SORCS1: variants seen among roughly 807,000 people sequenced by gnomAD.
SORCS1 encodes the protein sortilin related VPS10 domain containing receptor 1, also known as VPS10 domain-containing receptor SorCS1.
A neutral mutation model predicts 146.1 loss-of-function variants in SORCS1; 60 were observed. That is an observed-to-expected ratio of 0.41 (90% CI 0.33 to 0.51). SORCS1 has a LOEUF of 0.51. SORCS1 is among the 20% of genes least tolerant of loss of function. The pLI is 0.21. For synonymous variants in SORCS1, 637 were observed against 584.0 expected (o/e 1.09, Z -1.31); for missense variants, 1,352 against 1,487.6 (o/e 0.91, Z 1.50).
chr10:107,036,091 TG>T (rs907390790), intron 1 of SORCS1, among the ~76,000 whole-genome samples: 4 of 151,986 alleles, frequency 2.6e-5, no homozygotes, highest in Non-Finnish European at 5.9e-5. Context: ...AAAGCCCATC[TG>T]TATGTATAGT....
intron 5 of SORCS1, among the ~76,000 whole-genome samples, chr10:106,737,339 CT>C (rs1263858880): frequency 6.6e-6 from 1 of 152,148 alleles, no homozygotes; most frequent in Admixed American, 6.5e-5. Context: ...AATTTAATGA[CT>C]TTGCTTTTTC....
At chr10:106,641,832 T>C (rs2133681566) in intron 18 of SORCS1, among the ~76,000 whole-genome samples, 1 of 152,240 alleles carries the variant, frequency 6.6e-6, no homozygotes, top group South Asian at 2.1e-4. Context: ...TAATCTTTTT[T>C]ATTTCCAATG....
In SORCS1 at chr10:106,844,952, T is replaced by G. The variant is rs369161925; in HGVS notation, c.627-15279A>C. On this transcript the variant is annotated intron_variant, in intron 2 of 25. Coordinates refer to ENST00000263054, the MANE Select transcript of SORCS1 (RefSeq NM_052918.5). Reference sequence around the variant, plus strand: ...CTGCATAGTATTCCATGGTGTATATTTGCCACATTTTCTTAATCCAGTCTA... The same window carrying G: ...CTGCATAGTATTCCATGGTGTATATGTGCCACATTTTCTTAATCCAGTCTA... 5.5e-5 allele frequency among the ~76,000 whole-genome samples: 8 copies of G among 146,642 alleles called. No individual in the cohort carries two copies. In the East Asian group the frequency reaches 6.1e-4, roughly 11 times the overall value.
intron 2 of SORCS1, among the ~76,000 whole-genome samples, chr10:106,899,779 T>C (rs1449052215): frequency 6.6e-6 from 1 of 152,076 alleles, no homozygotes; most frequent in Non-Finnish European, 1.5e-5. Flanking sequence ...CCTTCATAAG[T>C]TCCTGGCACC....
chr10:106,669,100 T>G (rs1432566840), intron 16 of SORCS1, among the ~76,000 whole-genome samples: 3 of 152,070 alleles, frequency 2.0e-5, no homozygotes, highest in Non-Finnish European at 4.4e-5. Context: ...GCTGGTGGGA[T>G]GAGTAGCCGA....
At chr10:106,948,803 C>CA (rs947308124) in intron 2 of SORCS1, among the ~76,000 whole-genome samples, 314 of 151,566 alleles carry the variant, frequency 2.1e-3, no homozygotes, top group African/African-American at 7.3e-3. Flanking sequence ...ACTAAAAATA[C>CA]AAAAAAAATT....
chr10:106,900,759 TC>T (rs1951668134), intron 2 of SORCS1, among the ~76,000 whole-genome samples: 1 of 152,180 alleles, frequency 6.6e-6, no homozygotes, highest in Non-Finnish European at 1.5e-5. Flanking sequence ...CTGGTTGAAC[TC>T]GACTAAGACA....
chr10:107,157,927 C>T lies in SORCS1; in HGVS notation c.558+6042G>A, dbSNP rs572030889. Among the ~76,000 whole-genome samples, 13 of 152,230 alleles carry T rather than the reference C, an allele frequency of 8.5e-5. No individual in the cohort carries two copies. The South Asian group carries it at 2.5e-3, about 29-fold the overall frequency. ...CCCCTCCAGGAGACACAAGTGCCTT[C>T]TCTACACCTTTTAGCCACAAAATAA... On this transcript the variant is annotated intron_variant, in intron 1 of 25. Transcript: ENST00000263054.
At chr10:106,971,753 T>C (rs1017650216) in intron 1 of SORCS1, among the ~76,000 whole-genome samples, 11 of 152,242 alleles carry the variant, frequency 7.2e-5, no homozygotes, top group African/African-American at 2.7e-4. Flanking sequence ...GCCAGGACAC[T>C]GCAGAGATCC....
At position 106,683,983 on chromosome 10, in the gene SORCS1, T is replaced by C. The variant is rs569767988; in HGVS notation, c.1560+4209A>G. Reference sequence around the variant, plus strand: ...GAAAGGTGAAAAACAGATTCTCCAATGGAAGAAAGGTGAAAAACAGATTCT... The same window carrying C: ...GAAAGGTGAAAAACAGATTCTCCAACGGAAGAAAGGTGAAAAACAGATTCT... On this transcript the variant is annotated intron_variant, in intron 10 of 25. Transcript: ENST00000263054. 9.1e-4 allele frequency among the ~76,000 whole-genome samples: 139 copies of C among 152,138 alleles called. No homozygotes were observed. The Middle Eastern group carries it at 0.01, about 11-fold the overall frequency.
intron 2 of SORCS1, among the ~76,000 whole-genome samples, chr10:106,829,987 A>T (rs1224301523): frequency 6.6e-6 from 1 of 152,216 alleles, no homozygotes; most frequent in Non-Finnish European, 1.5e-5. Context: ...AGAATTAAAG[A>T]GTTTTTAGTC....
intron 2 of SORCS1, among the ~76,000 whole-genome samples, chr10:106,955,060 G>C (rs76026315): frequency 6.6e-6 from 1 of 152,228 alleles, no homozygotes; most frequent in Non-Finnish European, 1.5e-5. Context: ...GGCTAGAGCA[G>C]AGCAGTGGGA....
chr10:107,072,002 C>T (rs561572428), intron 1 of SORCS1, among the ~76,000 whole-genome samples: 32 of 152,328 alleles, frequency 2.1e-4, no homozygotes, highest in African/African-American at 7.7e-4. Context: ...GCTCCTCTGG[C>T]ATCTCTGGTG....
At chr10:106,926,320 TAA>T (rs751797309) in intron 2 of SORCS1, among the ~76,000 whole-genome samples, 4 of 152,164 alleles carry the variant, frequency 2.6e-5, no homozygotes, top group Non-Finnish European at 5.9e-5. Context: ...GTGCCTTGAA[TAA>T]AAAGACTAAA....
intron 2 of SORCS1, among the ~76,000 whole-genome samples, chr10:106,932,995 C>A (rs1953495408): frequency 6.6e-6 from 1 of 152,192 alleles, no homozygotes; most frequent in African/African-American, 2.4e-5. Context: ...TTCTTTCACA[C>A]CACAAAGGGA....
chr10:106,833,387 T>C (rs1042316238), intron 2 of SORCS1, among the ~76,000 whole-genome samples: 1 of 152,182 alleles, frequency 6.6e-6, no homozygotes, highest in Non-Finnish European at 1.5e-5. Flanking sequence ...TCCAAGCGTG[T>C]CCCAAAGAAC....
intron 1 of SORCS1, among the ~76,000 whole-genome samples, chr10:107,103,382 C>T (rs1965082092): frequency 6.6e-6 from 1 of 152,210 alleles, no homozygotes; most frequent in African/African-American, 2.4e-5. Context: ...AATATATGCT[C>T]TCTAGACAAA....
intron 2 of SORCS1, among the ~76,000 whole-genome samples, chr10:106,937,862 G>T (rs186717619): frequency 1.8e-4 from 27 of 152,042 alleles, no homozygotes; most frequent in South Asian, 2.1e-4. Flanking sequence ...TACTTGGGAG[G>T]CTGAGGCAGG....
chr10:106,825,647 G>A (rs1279097312), intron 3 of SORCS1, among the ~76,000 whole-genome samples: 1 of 151,720 alleles, frequency 6.6e-6, no homozygotes, highest in Non-Finnish European at 1.5e-5. Flanking sequence ...TTCCTTTCCG[G>A]TACAGGTTAA....
Sources: allele counts gnomAD v4.1 joint callset (sites outside exome capture counted in the v4.1 genomes callset), GRCh38; gene constraint gnomAD v4.1.1; transcripts MANE v1.5; gene names NCBI Gene and HGNC (gene_info 2026-07-23, HGNC 2026-07-21).